TENM1: variants seen among roughly 807,000 people sequenced by gnomAD.
TENM1 encodes teneurin-1.
In TENM1, 35 loss-of-function variants were observed where a neutral mutation model predicts 174.8. The observed-to-expected ratio is 0.20, with a 90% confidence interval of 0.15 to 0.27. TENM1 has a LOEUF of 0.27. Among genes scored for constraint, TENM1 ranks in the 10% least tolerant of loss-of-function variants. The pLI, the probability that TENM1 is intolerant of heterozygous loss-of-function variation, is 1.00. For missense variants in TENM1, 1,633 were observed against 2,130.1 expected (o/e 0.77, Z 4.59); for synonymous variants, 781 against 798.7 (o/e 0.98, Z 0.37).
intron 3 of TENM1, among the ~76,000 whole-genome samples, chrX:124,890,274 T>C (rs1416244079): frequency 8.9e-6 from 1 of 111,955 alleles, no homozygotes. Context: ...ATTTAGCTGT[T>C]GATACTGTTT....
At chrX:124,626,224 G>A (rs2050633289) in intron 11 of TENM1, among the ~76,000 whole-genome samples, 1 of 110,708 alleles carries the variant, frequency 9.0e-6, no homozygotes, top group Non-Finnish European at 1.9e-5. Context: ...TAATTCCATT[G>A]AATGTATGTA....
intron 8 of TENM1, among the ~76,000 whole-genome samples, chrX:124,651,085 T>G (rs1189215456): frequency 1.8e-5 from 2 of 112,044 alleles, no homozygotes; most frequent in East Asian, 2.8e-4. Context: ...TATTGAAAAT[T>G]GACAGCTGTA....
At chrX:124,644,323 G>A (rs1054813854) in intron 10 of TENM1, among the ~76,000 whole-genome samples, 21 of 106,901 alleles carry the variant, frequency 2.0e-4, no homozygotes, top group African/African-American at 4.1e-4. Context: ...GATTAAACCC[G>A]TTAGAATGCT....
At chrX:124,686,836 A>G (rs2052377562) in intron 5 of TENM1, among the ~76,000 whole-genome samples, 1 of 112,122 alleles carries the variant, frequency 8.9e-6, no homozygotes, top group South Asian at 3.7e-4. Flanking sequence ...CAAAAGCTGG[A>G]AGCATTCCCT....
chrX:125,147,580 A>C, the TENM1 span, among the ~76,000 whole-genome samples: 1 of 110,950 alleles, frequency 9.0e-6, no homozygotes, highest in African/African-American at 3.3e-5. Context: ...CCTCAATAAG[A>C]CCTCCAACCA....
intron 3 of TENM1, among the ~76,000 whole-genome samples, chrX:124,768,108 C>T (rs1012787352): frequency 2.7e-5 from 3 of 111,357 alleles, no homozygotes; most frequent in African/African-American, 9.8e-5. Context: ...GAAGTGTGAA[C>T]GTCAATTTAT....
chrX:125,110,390 T>C, the TENM1 span, among the ~76,000 whole-genome samples: 2 of 111,606 alleles, frequency 1.8e-5, no homozygotes, highest in African/African-American at 6.5e-5. Flanking sequence ...TTTCCTTCCC[T>C]TCCCTTTCCA....
chrX:124,414,030 A>G lies in TENM1; in HGVS notation c.4982+6281T>C, dbSNP rs148732524. Reference sequence around the variant, plus strand: ...ATCCATGATAAAACTGGGCATTTGTAAAACAGTCTAGAAGATACCCAGAGA... The same window carrying G: ...ATCCATGATAAAACTGGGCATTTGTGAAACAGTCTAGAAGATACCCAGAGA... On this transcript the variant is annotated intron_variant, in intron 25 of 31. Coordinates refer to ENST00000422452, the Ensembl canonical transcript of TENM1. Among the ~76,000 whole-genome samples, 947 of 112,199 alleles carry G rather than the reference A, an allele frequency of 8.4e-3. 9 individuals carry two copies. Among genetic ancestry groups the G allele is most frequent in the African/African-American group, 0.029 (898 of 30,862 alleles).
At chrX:124,568,620 G>A (rs2148182066) in intron 11 of TENM1, among the ~76,000 whole-genome samples, 1 of 111,306 alleles carries the variant, frequency 9.0e-6, no homozygotes, top group Non-Finnish European at 1.9e-5. Context: ...TAGTAATAGG[G>A]ACCTAAGTAA....
chrX:124,751,853 G>A lies in TENM1; in HGVS notation c.536-14656C>T, dbSNP rs766592694. Among the ~76,000 whole-genome samples, 5 of 110,159 alleles carry A rather than the reference G, an allele frequency of 4.5e-5. No homozygotes were observed. In the East Asian group the frequency reaches 1.4e-3, roughly 32 times the overall value. On this transcript the variant is annotated intron_variant, in intron 3 of 31. Coordinates refer to ENST00000422452, the Ensembl canonical transcript of TENM1. ...TTTTTATGGCTGCATAGTATTCCAC[G>A]GTGAATATGTGCCACATTTACTTAA...
At chrX:124,592,404 C>G (rs1368186046) in intron 11 of TENM1, among the ~76,000 whole-genome samples, 1 of 99,391 alleles carries the variant, frequency 1.0e-5, no homozygotes, top group African/African-American at 3.7e-5. Flanking sequence ...TAGGTTTTTT[C>G]TTCATCATTC....
chrX:124,717,670 A>C (rs2053218608), intron 4 of TENM1, among the ~76,000 whole-genome samples: 1 of 111,913 alleles, frequency 8.9e-6, no homozygotes, highest in Admixed American at 9.5e-5. Context: ...CTGCATCTTA[A>C]AAAAAACCTT....
At chrX:124,489,141 T>C (rs1602524733) in intron 20 of TENM1, among the ~76,000 whole-genome samples, 1 of 112,718 alleles carries the variant, frequency 8.9e-6, no homozygotes, top group African/African-American at 3.2e-5. Flanking sequence ...GAGGTGTCAG[T>C]GTGTGAGCTC....
the TENM1 span, among the ~76,000 whole-genome samples, chrX:124,970,287 T>C: frequency 9.0e-6 from 1 of 111,573 alleles, no homozygotes; most frequent in Non-Finnish European, 1.9e-5. Flanking sequence ...CTCCAAATAG[T>C]CTCACTCCAC....
At chrX:124,910,507 G>A (rs1187332298) in intron 1 of TENM1, among the ~76,000 whole-genome samples, 2 of 111,908 alleles carry the variant, frequency 1.8e-5, no homozygotes, top group African/African-American at 6.5e-5. Context: ...ACTCCATTTG[G>A]TCCCCAAATC....
At chrX:124,709,710 CTT>C (rs2052998542) in intron 4 of TENM1, among the ~76,000 whole-genome samples, 1 of 110,926 alleles carries the variant, frequency 9.0e-6, no homozygotes, top group African/African-American at 3.3e-5. Context: ...CAACCACAGT[CTT>C]CACCAGATTA....
intron 4 of TENM1, among the ~76,000 whole-genome samples, chrX:124,707,183 A>G (rs1206946764): frequency 2.7e-5 from 3 of 110,850 alleles, no homozygotes; most frequent in Non-Finnish European, 5.7e-5. Context: ...TTTGTATTTT[A>G]GTAGAGACGG....
the TENM1 span, among the ~76,000 whole-genome samples, chrX:125,055,228 G>A: frequency 4.5e-5 from 5 of 111,252 alleles, no homozygotes; most frequent in Non-Finnish European, 7.5e-5. Context: ...TTATTATTAC[G>A]TCAGTTTTAC....
intron 18 of TENM1, among the ~76,000 whole-genome samples, chrX:124,505,393 C>T (rs1208887096): frequency 8.9e-6 from 1 of 111,775 alleles, no homozygotes; most frequent in Non-Finnish European, 1.9e-5. Flanking sequence ...GAAATAGACT[C>T]TCAGAGGGGA....
Sources: gnomAD v4.1 joint callset for allele counts (sites outside exome capture counted in the v4.1 genomes callset) on GRCh38, gnomAD v4.1.1 for gene constraint, MANE v1.5 for transcripts, NCBI Gene and HGNC (gene_info 2026-07-23, HGNC 2026-07-21) for gene names.